The following SLC9A2 variants were observed in gnomAD, a reference collection of about 807,000 sequenced individuals.
SLC9A2 encodes the protein solute carrier family 9 member A2.
SLC9A2 carries 42 observed loss-of-function variants against 71.7 expected under a neutral mutation model. That is an observed-to-expected ratio of 0.59 (90% CI 0.46 to 0.76). The LOEUF is 0.76. Among genes scored for constraint, SLC9A2 ranks in the 30% least tolerant of loss-of-function variants. The probability of loss-of-function intolerance (pLI) is 0.00; values close to 1 mark genes in which losing one functional copy is unlikely to be tolerated. For synonymous variants in SLC9A2, 396 were observed against 392.5 expected (o/e 1.01, Z -0.10); for missense variants, 829 against 1,017.4 (o/e 0.81, Z 2.52).
chr2:102,665,972 C>T (rs1677129556), intron 3 of SLC9A2, among the ~76,000 whole-genome samples: 1 of 151,876 alleles, frequency 6.6e-6, no homozygotes, highest in African/African-American at 2.4e-5. Flanking sequence ...ATTGTACGAG[C>T]TTGATGCCCA....
In SLC9A2 at chr2:102,709,283, G is replaced by A. The variant is rs916563691; in HGVS notation, c.*794G>A. 11 of 152,276 alleles carry A rather than the reference G, an allele frequency of 7.2e-5. No individual in the cohort carries two copies. The highest frequency in any genetic ancestry group is 2.7e-4 in the African/African-American group (11 of 41,334). The allele number at this position is 152,276 out of a possible 1,614,324, so 9.4% of individuals were successfully genotyped here. On this transcript the variant is annotated 3_prime_UTR_variant, in exon 12 of 12. Coordinates refer to ENST00000233969, the MANE Select transcript of SLC9A2 (RefSeq NM_003048.6). ...CCAGCTTACTGTGTTGACAGATTTG[G>A]GAGCAGCTTTTGATGAAGTTCCACC...
Position 102,695,103 on chromosome 2 carries a change from T to G in SLC9A2, c.1576T>G (p.Trp526Gly). The change falls in exon 7 of 12, where the codon TGG becomes GGG. Residue 526 changes from tryptophan (W) to glycine (G), a missense_variant. Transcript: ENST00000233969. ...DVCGHWGHNFWRDKFKKFDDK... is the reference protein window; with the variant it reads ...DVCGHWGHNFGRDKFKKFDDK... Reference sequence around the variant, plus strand: ...TTGTGGACATTGGGGTCACAACTTTTGGAGAGACAAGTAAGAAGGTCTTAT... The same window carrying G: ...TTGTGGACATTGGGGTCACAACTTTGGGAGAGACAAGTAAGAAGGTCTTAT... 6.2e-7 allele frequency: 1 copy of G among 1,613,476 alleles called. No individual in the cohort carries two copies. Among genetic ancestry groups the G allele is most frequent in the East Asian group, 2.2e-5 (1 of 44,846 alleles).
chr2:102,670,745 T>C (rs1229506886), intron 3 of SLC9A2, among the ~76,000 whole-genome samples: 1 of 151,768 alleles, frequency 6.6e-6, no homozygotes, highest in African/African-American at 2.4e-5. Flanking sequence ...AAGTCGTCAC[T>C]GGTGAAGGTG....
chr2:102,636,973 T>G lies in SLC9A2; in HGVS notation c.289+16836T>G, dbSNP rs574570542. Among the ~76,000 whole-genome samples, 435 of 152,226 alleles carry G rather than the reference T, an allele frequency of 2.9e-3. 1 individual carries two copies. Among genetic ancestry groups the G allele is most frequent in the Non-Finnish European group, 4.4e-3 (298 of 68,006 alleles). ...TGAGTCCTTCCTTGGTCAAACCCCTTCATCAGATTGTGTTTCTAAAATGGG... is the reference window on the plus strand; with the variant it reads ...TGAGTCCTTCCTTGGTCAAACCCCTGCATCAGATTGTGTTTCTAAAATGGG... On this transcript the variant is annotated intron_variant, in intron 1 of 11. Coordinates refer to ENST00000233969, the MANE Select transcript of SLC9A2 (RefSeq NM_003048.6).
At chr2:102,659,826 C>T (rs141916827) in intron 2 of SLC9A2, among the ~76,000 whole-genome samples, 16 of 152,280 alleles carry the variant, frequency 1.1e-4, no homozygotes, top group East Asian at 9.7e-4. Context: ...ATGCTCGATA[C>T]GTAAATTTTA....
At chr2:102,670,793 T>A (rs1417186393) in intron 3 of SLC9A2, among the ~76,000 whole-genome samples, 1 of 149,288 alleles carries the variant, frequency 6.7e-6, no homozygotes, top group Non-Finnish European at 1.5e-5. Flanking sequence ...TTTTTCTTTG[T>A]AGGAGCTGAT....
intron 3 of SLC9A2, among the ~76,000 whole-genome samples, chr2:102,682,446 A>G (rs13422113): frequency 0.22 from 33,566 of 152,100 alleles, 4,001 homozygotes; most frequent in East Asian, 0.38. Flanking sequence ...GGAATTCTCC[A>G]CTGAGGGAAG....
In SLC9A2 at chr2:102,695,179, G is replaced by A. The variant is rs1034500051; in HGVS notation, c.1586+66G>A. 8 of 1,094,016 alleles carry A rather than the reference G, an allele frequency of 7.3e-6. No homozygotes were observed. The Admixed American group carries it at 1.1e-4, about 16-fold the overall frequency. 67.8% of individuals were successfully genotyped at this position (1,094,016 alleles called of 1,614,324 possible). A position where few individuals can be genotyped will look rare whatever the true frequency, so the allele number is the denominator to read the frequency against. On this transcript the variant is annotated intron_variant, in intron 7 of 11. Transcript: ENST00000233969. The stretch of plus-strand genomic sequence containing the variant: ...GGTCATTCTGAAAGCAGGACTTACT[G>A]ATTTGTATTATTTTTTAATTGGAAA...
At chr2:102,648,109 C>T (rs1416098175) in intron 1 of SLC9A2, among the ~76,000 whole-genome samples, 1 of 152,184 alleles carries the variant, frequency 6.6e-6, no homozygotes, top group Admixed American at 6.5e-5. Flanking sequence ...TACTTGCAAA[C>T]TGAATCCAGC....
chr2:102,664,279 A>G (rs1007743177), intron 2 of SLC9A2, among the ~76,000 whole-genome samples: 1 of 152,074 alleles, frequency 6.6e-6, no homozygotes, highest in Non-Finnish European at 1.5e-5. Flanking sequence ...GACTCAAAAA[A>G]AAAAAAAAAG....
chr2:102,675,170 C>G (rs1161733051), intron 3 of SLC9A2, among the ~76,000 whole-genome samples: 1 of 152,142 alleles, frequency 6.6e-6, no homozygotes, highest in Non-Finnish European at 1.5e-5. Flanking sequence ...AAGGAAAGCT[C>G]AATCCTTTAT....
At chr2:102,625,477 C>A (rs574618202) in intron 1 of SLC9A2, among the ~76,000 whole-genome samples, 4 of 140,884 alleles carry the variant, frequency 2.8e-5, no homozygotes, top group Admixed American at 7.1e-5. Flanking sequence ...CCCCTCCCCC[C>A]ACCGCACAAC....
rs1277022746 is a variant in SLC9A2, at chr2:102,684,320, T to G, written c.1409T>G (p.Phe470Cys). ...ACGGCTGCCATTGTTGTCATATTCT[T>G]TACTGTCTTCATTCTGGTAAGTAGA... ...FITAAIVVIF[F>C]TVFILGITIR... The change falls in exon 5 of 12, where the codon TTT (phenylalanine) becomes TGT (cysteine). Residue 470 changes from phenylalanine to cysteine, a missense_variant. Physicochemically the swap from Phe to Cys is radical, Grantham distance 205. Transcript: ENST00000233969. 6.2e-7 allele frequency: 1 copy of G among 1,614,048 alleles called. No individual in the cohort carries two copies. The highest frequency in any genetic ancestry group is 8.5e-7 in the Non-Finnish European group (1 of 1,179,880).
chr2:102,667,885 C>A (rs961046628), intron 3 of SLC9A2, among the ~76,000 whole-genome samples: 1 of 151,816 alleles, frequency 6.6e-6, no homozygotes, highest in African/African-American at 2.4e-5. Flanking sequence ...GCCTGGCCAG[C>A]ATGGTGAAAC....
Position 102,632,129 on chromosome 2 carries a change from CATATATATGTATATAT to C in SLC9A2, c.289+11994_289+12009del, listed in dbSNP as rs1312124669. ...ATATATATGTATATATACATATATA[CATATATATGTATATAT>C]ACATATATACACATATATACACATA... is the stretch of plus-strand genomic sequence containing the variant. On this transcript the variant is annotated intron_variant, in intron 1 of 11. Transcript: ENST00000233969. Among the ~76,000 whole-genome samples the C allele has an allele frequency of 2.9e-3, 244 of 85,010 alleles. 3 individuals carry two copies. The highest frequency in any genetic ancestry group is 0.012 in the East Asian group (32 of 2,728). 55.8% of individuals were successfully genotyped at this position (85,010 alleles called of 152,430 possible).
chr2:102,646,284 C>T (rs2104511628), intron 1 of SLC9A2, among the ~76,000 whole-genome samples: 1 of 152,298 alleles, frequency 6.6e-6, no homozygotes, highest in South Asian at 2.1e-4. Flanking sequence ...CCCTGCCTTA[C>T]AAGAGCTCCT....
intron 1 of SLC9A2, 83 bp from the exon 2 acceptor site, chr2:102,657,481 T>C (rs1316718907): frequency 1.1e-5 from 9 of 848,052 alleles, no homozygotes; most frequent in Non-Finnish European, 1.6e-5. Context: ...CAGGACCCAC[T>C]GGTTCTATCA....
chr2:102,658,486 T>C (rs976015125), intron 2 of SLC9A2, among the ~76,000 whole-genome samples: 7 of 151,886 alleles, frequency 4.6e-5, no homozygotes, highest in African/African-American at 1.4e-4. Flanking sequence ...ACAGGTGAAA[T>C]GATAATACCT....
At chr2:102,659,189 A>G (rs888967053) in intron 2 of SLC9A2, among the ~76,000 whole-genome samples, 16 of 151,520 alleles carry the variant, frequency 1.1e-4, no homozygotes, top group African/African-American at 3.9e-4. Flanking sequence ...TGCCTTTGGG[A>G]GGCTGAGGCA....
Sources: allele counts gnomAD v4.1 joint callset (sites outside exome capture counted in the v4.1 genomes callset), GRCh38; gene constraint gnomAD v4.1.1; transcripts MANE v1.5; gene names NCBI Gene and HGNC (gene_info 2026-07-23, HGNC 2026-07-21).